The following BTD variants were observed in gnomAD, a reference collection of about 807,000 sequenced individuals.
The protein encoded by BTD is biotinidase.
A neutral mutation model predicts 17.7 loss-of-function variants in BTD; 13 were observed. The observed-to-expected ratio is 0.74, with a 90% CI of 0.48 to 1.17. The LOEUF (loss-of-function observed/expected upper bound fraction) is 1.17. Among genes scored for constraint, BTD ranks in the 50% most tolerant of loss-of-function variants. The probability of loss-of-function intolerance (pLI) is 0.00; values close to 1 mark genes in which losing one functional copy is unlikely to be tolerated. For synonymous variants in BTD, 240 were observed against 245.2 expected (o/e 0.98, Z 0.20); for missense variants, 674 against 650.4 (o/e 1.04, Z -0.39).
At chr3:15,614,957 A>G (rs71627145) in intron 1 of BTD, among the ~76,000 whole-genome samples, 4,627 of 152,212 alleles carry the variant, frequency 0.03, 98 homozygotes, top group Non-Finnish European at 0.042. Flanking sequence ...AATCAACTTC[A>G]GTGTACTTAT....
chr3:15,722,047 G>A (rs545015153), exon 5 of BTD, among the ~76,000 whole-genome samples: 3 of 152,170 alleles, frequency 2.0e-5, no homozygotes, highest in South Asian at 4.1e-4. Context: ...GCCCAGCCTT[G>A]TTTTTCTATT....
intron 2 of BTD, among the ~76,000 whole-genome samples, chr3:15,637,544 A>C (rs1251137458): frequency 6.6e-6 from 1 of 152,158 alleles, no homozygotes; most frequent in Non-Finnish European, 1.5e-5. Context: ...ATCTTTACTG[A>C]CATCCCAAGT....
chr3:15,625,777 G>C (rs914306579), intron 1 of BTD, among the ~76,000 whole-genome samples: 5 of 152,026 alleles, frequency 3.3e-5, no homozygotes, highest in Non-Finnish European at 7.4e-5. Context: ...GGATGGTCTC[G>C]ATCTCTTGAC....
chr3:15,604,911 A>C (rs775398739), intron 1 of BTD, among the ~76,000 whole-genome samples: 2 of 152,236 alleles, frequency 1.3e-5, no homozygotes, highest in African/African-American at 2.4e-5. Context: ...CCATTCAATA[A>C]GTCTCTAGGA....
In BTD at chr3:15,695,414, A is replaced by G. The variant is rs1217274294; in HGVS notation, c.400-14646A>G. ...ACATAGGTCTAAAATTTTGGTGTGA[A>G]TATCCATAACGTAGGAAAATAGTTA... On this transcript the variant is annotated intron_variant, in intron 3 of 3. Coordinates refer to the BTD transcript ENST00000672141. 2.6e-5 allele frequency among the ~76,000 whole-genome samples: 4 copies of G among 152,138 alleles called. No individual in the cohort carries two copies. The East Asian group carries it at 7.7e-4, about 29-fold the overall frequency.
chr3:15,721,173 T>A, intron 4 of BTD: 3 of 1,539,462 alleles, frequency 1.9e-6, no homozygotes, highest in Non-Finnish European at 2.7e-6. Context: ...GTTTTGCTAA[T>A]TATCAATGTT....
At chr3:15,717,814 T>C (rs2073249795) in intron 4 of BTD, among the ~76,000 whole-genome samples, 1 of 152,202 alleles carries the variant, frequency 6.6e-6, no homozygotes, top group Non-Finnish European at 1.5e-5. Context: ...ATAAACCTGA[T>C]TCATTTTACC....
At chr3:15,634,905 A>T (rs1347042942) in intron 1 of BTD, among the ~76,000 whole-genome samples, 1 of 152,246 alleles carries the variant, frequency 6.6e-6, no homozygotes, top group African/African-American at 2.4e-5. Flanking sequence ...TTTATTACTA[A>T]CCAAAGAAAT....
In BTD at chr3:15,681,441, T is replaced by C. The variant is rs115922043; in HGVS notation, c.400-28619T>C. Among the ~76,000 whole-genome samples the C allele has an allele frequency of 1.4e-3, 212 of 152,320 alleles. 1 individual carries two copies. The highest frequency in any genetic ancestry group is 6.8e-3 in the Middle Eastern group (2 of 294). On this transcript the variant is annotated intron_variant, in intron 3 of 3. Coordinates refer to the BTD transcript ENST00000672141. Reference sequence around the variant, plus strand: ...ATCCAAATTTCAAATTTTCTTACCCTAATTCCAGAGCCAGGGTTTTAATTT... The same window carrying C: ...ATCCAAATTTCAAATTTTCTTACCCCAATTCCAGAGCCAGGGTTTTAATTT...
At position 15,678,311 on chromosome 3, in the gene BTD, A is replaced by G. The variant is rs369691636; in HGVS notation, c.400-31749A>G. 1.6e-4 allele frequency: 252 copies of G among 1,612,850 alleles called. No individual in the cohort carries two copies. In the African/African-American group the frequency reaches 3.2e-3, roughly 20 times the overall value. On this transcript the variant is annotated intron_variant, in intron 3 of 3. Coordinates refer to the BTD transcript ENST00000672141. ...GCATTATGGCTGAGCAGCAGCTGTA[A>G]ACACTCTACATGGTCTGTGAAGGCG... is the stretch of plus-strand genomic sequence containing the variant.
At chr3:15,694,872 C>G in intron 3 of BTD, 2 of 1,494,918 alleles carry the variant, frequency 1.3e-6, no homozygotes, top group Non-Finnish European at 1.9e-6. Flanking sequence ...TTATTCTCTC[C>G]CACCCACCCA....
intron 1 of BTD, among the ~76,000 whole-genome samples, chr3:15,610,356 CGGTG>C (rs1559577715): frequency 3.3e-4 from 50 of 152,258 alleles, no homozygotes; most frequent in African/African-American, 8.9e-4. Flanking sequence ...CCTCTATGTG[CGGTG>C]TTTGCTAACA....
Position 15,611,775 on chromosome 3 carries a change from C to CA in BTD, c.-17+9893dup, listed in dbSNP as rs111335032. Among the ~76,000 whole-genome samples the CA allele has an allele frequency of 1.7e-3, 205 of 121,494 alleles. 2 individuals carry two copies. The highest frequency in any genetic ancestry group is 5.2e-3 in the Admixed American group (60 of 11,566). The allele number at this position is 121,494 out of a possible 152,430, so 79.7% of individuals were successfully genotyped here. Reference sequence around the variant, plus strand: ...CCTGGGTGATGGCGTGAGACAGTCTCAAAAAAAAAAAAGAAAAAACAAATA... The same window carrying CA: ...CCTGGGTGATGGCGTGAGACAGTCTCAAAAAAAAAAAAAGAAAAAACAAATA... On this transcript the variant is annotated intron_variant, in intron 1 of 3. Coordinates refer to ENST00000643237, the MANE Select transcript of BTD (RefSeq NM_001370658.1).
upstream of BTD, chr3:15,601,533 G>C (rs775751949): frequency 1.2e-6 from 2 of 1,607,764 alleles, no homozygotes; most frequent in South Asian, 2.2e-5. Flanking sequence ...AGGCAAACGC[G>C]AAATCGGCAG....
intron 1 of BTD, 114 bp downstream of exon 1, chr3:15,602,008 C>T: frequency 2.0e-6 from 3 of 1,524,602 alleles, no homozygotes; most frequent in East Asian, 2.3e-5. Context: ...CTGCCGGGAG[C>T]TGGGAAGCCC....
intron 2 of BTD, among the ~76,000 whole-genome samples, chr3:15,638,549 A>T (rs1195549567): frequency 1.3e-5 from 2 of 152,248 alleles, no homozygotes. Context: ...ATCTGGTTAT[A>T]TGTTTTAAAA....
At position 15,644,826 on chromosome 3, in the gene BTD, G is replaced by T; in HGVS notation, c.910G>T (p.Asp304Tyr). The change falls in exon 4 of 4, where the codon GAC (aspartate) becomes TAC (tyrosine). Residue 304 changes from aspartate to tyrosine, a missense_variant. By Grantham distance (160) the Asp-to-Tyr change is radical. Transcript: ENST00000643237. ...HTPLESFWYH[D>Y]MENPKSHLII... is the part of the protein sequence containing the mutation. ...CCCTCTGGAGTCCTTTTGGTACCAT[G>T]ACATGGAAAATCCCAAAAGTCACCT... The T allele has an allele frequency of 6.2e-7, 1 of 1,614,176 alleles. No homozygotes were observed. Among genetic ancestry groups the T allele is most frequent in the Non-Finnish European group, 8.5e-7 (1 of 1,180,030 alleles).
intron 3 of BTD, chr3:15,685,168 T>G: frequency 6.4e-7 from 1 of 1,573,086 alleles, no homozygotes. Flanking sequence ...TATAAATATG[T>G]CATTCTTTTA....
intron 3 of BTD, among the ~76,000 whole-genome samples, chr3:15,687,036 T>C (rs2068210610): frequency 1.3e-5 from 2 of 151,458 alleles, no homozygotes; most frequent in Non-Finnish European, 2.9e-5. Flanking sequence ...TTCCGCCTCC[T>C]GGGTTCAAGC....
Sources: allele counts gnomAD v4.1 joint callset (sites outside exome capture counted in the v4.1 genomes callset), GRCh38; gene constraint gnomAD v4.1.1; transcripts MANE v1.5; gene names NCBI Gene and HGNC (gene_info 2026-07-23, HGNC 2026-07-21).